ACOT12: variants seen among roughly 807,000 people sequenced by gnomAD.
ACOT12 encodes the protein acyl-CoA thioesterase 12.
A neutral mutation model predicts 67.7 loss-of-function variants in ACOT12; 51 were observed. The ratio of observed to expected loss-of-function variants is 0.75; its 90% CI spans 0.60 to 0.95. ACOT12 has a LOEUF of 0.95. Among genes scored for constraint, ACOT12 ranks in the 40% least tolerant of loss-of-function variants. The pLI is 0.00. For missense variants in ACOT12, 734 were observed against 708.1 expected, an observed-to-expected ratio of 1.04 and a Z score of -0.41; for synonymous variants, 251 against 244.6, an observed-to-expected ratio of 1.03 and a Z score of -0.24.
At chr5:81,345,084 C>T in intron 7 of ACOT12, 43 bp from the exon 8 acceptor site, 3 of 1,607,078 alleles carry the variant, frequency 1.9e-6, no homozygotes, top group South Asian at 1.1e-5. Context: ...AGGATCTTGA[C>T]CCATCAGGCC....
At chr5:81,312,725 C>T in the ACOT12 span, 7 of 1,273,596 alleles carry the variant, frequency 5.5e-6, no homozygotes, top group South Asian at 2.5e-5. Context: ...GCCCGCTTCA[C>T]GAGTTAGAGT....
At chr5:81,388,304 A>G (rs1760783195) in intron 1 of ACOT12, among the ~76,000 whole-genome samples, 1 of 152,200 alleles carries the variant, frequency 6.6e-6, no homozygotes, top group Non-Finnish European at 1.5e-5. Flanking sequence ...AAAAGGAAAA[A>G]AAATATGGGG....
At chr5:81,353,989 T>C (rs1759633371) in intron 5 of ACOT12, among the ~76,000 whole-genome samples, 1 of 152,198 alleles carries the variant, frequency 6.6e-6, no homozygotes, top group Non-Finnish European at 1.5e-5. Flanking sequence ...AATCACATAC[T>C]ACACAGCGGC....
chr5:81,332,655 C>T (rs763317904), intron 12 of ACOT12, 50 bp from the exon 13 acceptor site: 8 of 1,604,888 alleles, frequency 5.0e-6, no homozygotes, highest in Middle Eastern at 1.7e-4. Flanking sequence ...CCTGCTCAGG[C>T]ATTCACTTCC....
At chr5:81,360,221 AT>A (rs1360169185) in intron 4 of ACOT12, among the ~76,000 whole-genome samples, 183 bp from the exon 5 acceptor site, 1 of 152,254 alleles carries the variant, frequency 6.6e-6, no homozygotes, top group Non-Finnish European at 1.5e-5. Context: ...AACTAAAAAA[AT>A]CAACATAGGC....
chr5:81,384,383 C>A (rs1260727390), intron 2 of ACOT12, among the ~76,000 whole-genome samples: 2 of 151,844 alleles, frequency 1.3e-5, no homozygotes, highest in Non-Finnish European at 2.9e-5. Flanking sequence ...GGTGATCCAC[C>A]CCCCTAGGCC....
intron 2 of ACOT12, among the ~76,000 whole-genome samples, chr5:81,376,705 A>G (rs930420308): frequency 2.0e-5 from 3 of 152,194 alleles, no homozygotes; most frequent in Admixed American, 6.5e-5. Context: ...AGAATACTAC[A>G]AACACCTCTA....
rs372830969 is a variant in ACOT12 at position 81,332,559 on chromosome 5, G to A, written c.1309C>T (p.His437Tyr). ...TCATTCAGTATAGGACAGGTGATGT[G>A]ATACAGCTGATCATCTTCACTCACC... ...DWVSEDDQLY[H>Y]ITCPILNDDK... is the part of the protein sequence containing the mutation. The change falls in exon 13 of 15, where the codon CAC becomes TAC. Residue 437 changes from histidine (H) to tyrosine (Y), a missense_variant. His to Tyr is a moderately conservative substitution (Grantham distance 83). Coordinates refer to ENST00000307624, the MANE Select transcript of ACOT12 (RefSeq NM_130767.3). 1.5e-5 allele frequency: 24 copies of A among 1,613,962 alleles called. No individual in the cohort carries two copies. The African/African-American group carries it at 3.2e-4, about 22-fold the overall frequency.
At chr5:81,316,295 G>A in the ACOT12 span, among the ~76,000 whole-genome samples, 1 of 152,102 alleles carries the variant, frequency 6.6e-6, no homozygotes, top group South Asian at 2.1e-4. Context: ...ATACCCTTAA[G>A]CAGTTGCTCC....
rs140694423 is a variant in ACOT12, at chr5:81,370,149, C to A, written c.258+1601G>T. Among the ~76,000 whole-genome samples, 86 of 152,204 alleles carry A rather than the reference C, an allele frequency of 5.7e-4. 1 individual carries two copies. The highest frequency in any genetic ancestry group is 2.0e-3 in the African/African-American group (84 of 41,522). On this transcript the variant is annotated intron_variant, in intron 3 of 14. Transcript: ENST00000307624. ...TACAAAAATTAGTGGTGGCATGCACCTGTAATCCCAGCTACTCGGGAGGCT... is the reference window on the plus strand; with the variant it reads ...TACAAAAATTAGTGGTGGCATGCACATGTAATCCCAGCTACTCGGGAGGCT...
At chr5:81,340,021 G>A (rs1278990934) in intron 11 of ACOT12, among the ~76,000 whole-genome samples, 4 of 151,696 alleles carry the variant, frequency 2.6e-5, no homozygotes, top group African/African-American at 7.3e-5. Flanking sequence ...TGTCAGACCC[G>A]GCTTTGAGGA....
chr5:81,329,854 C>T (rs1272951884), downstream of ACOT12, among the ~76,000 whole-genome samples: 2 of 152,080 alleles, frequency 1.3e-5, no homozygotes, highest in South Asian at 4.1e-4. Context: ...GTTCTTATTA[C>T]TAAAATTGAT....
At position 81,330,406 on chromosome 5, in the gene ACOT12, T is replaced by C. The variant is rs759557236; in HGVS notation, c.1656A>G (p.Val552=). The change falls in exon 15 of 15, where the codon GTA becomes GTG. Residue 552 remains valine (V), a synonymous_variant. Transcript: ENST00000307624. The part of the protein sequence containing the change: ...FLENPPDDGF[V]STF ...TGAAAGTTGACCTTTAAAATGTGCTTACAAACCCATCATCAGGAGGATTCT... is the reference window on the plus strand; with the variant it reads ...TGAAAGTTGACCTTTAAAATGTGCTCACAAACCCATCATCAGGAGGATTCT... 1 of 1,612,632 alleles carries C rather than the reference T, an allele frequency of 6.2e-7. No individual in the cohort carries two copies. Among genetic ancestry groups the C allele is most frequent in the Non-Finnish European group, 8.5e-7 (1 of 1,179,418 alleles).
At chr5:81,312,547 G>A in the ACOT12 span, 69 of 1,611,942 alleles carry the variant, frequency 4.3e-5, no homozygotes, top group African/African-American at 5.3e-5. Flanking sequence ...TTTACAGAGC[G>A]AATGGTCACA....
intron 7 of ACOT12, 93 bp from the exon 8 acceptor site, chr5:81,345,134 C>T (rs916867726): frequency 5.8e-5 from 66 of 1,141,674 alleles, no homozygotes; most frequent in Non-Finnish European, 1.7e-5. Context: ...CCACCGCTGC[C>T]ACCTCCTCTA....
chr5:81,374,752 A>T (rs1296214652), intron 2 of ACOT12, among the ~76,000 whole-genome samples: 1 of 152,332 alleles, frequency 6.6e-6, no homozygotes, highest in Admixed American at 6.5e-5. Context: ...GAGATTGAAG[A>T]TCAACTTAAT....
At chr5:81,385,418 G>C (rs1321122290) in intron 2 of ACOT12, among the ~76,000 whole-genome samples, 1 of 152,166 alleles carries the variant, frequency 6.6e-6, no homozygotes, top group East Asian at 1.9e-4. Flanking sequence ...AGTGAGCCAA[G>C]ATCACACTAC....
chr5:81,365,750 C>T (rs1198069583), intron 3 of ACOT12, among the ~76,000 whole-genome samples: 1 of 152,160 alleles, frequency 6.6e-6, no homozygotes, highest in East Asian at 1.9e-4. Context: ...GCGGGAAAAA[C>T]AACGAGAGCA....
intron 2 of ACOT12, among the ~76,000 whole-genome samples, chr5:81,384,852 A>G (rs974616908): frequency 6.6e-6 from 1 of 152,184 alleles, no homozygotes; most frequent in South Asian, 2.1e-4. Context: ...TAATTGCTAT[A>G]GCTAGGGGTG....
Sources: gnomAD v4.1 joint callset for allele counts (sites outside exome capture counted in the v4.1 genomes callset) on GRCh38, gnomAD v4.1.1 for gene constraint, MANE v1.5 for transcripts, NCBI Gene and HGNC (gene_info 2026-07-23, HGNC 2026-07-21) for gene names.